The following NKAIN3 variants were observed in gnomAD, a reference collection of about 807,000 sequenced individuals.
The protein encoded by NKAIN3 is sodium/potassium transporting ATPase interacting 3, also known as sodium/potassium-transporting ATPase subunit beta-1-interacting protein 3.
A neutral mutation model predicts 30.2 loss-of-function variants in NKAIN3; 25 were observed. The observed-to-expected ratio is 0.83, with a 90% CI of 0.60 to 1.16. The LOEUF is 1.16. NKAIN3 is among the 50% of genes most tolerant of loss of function. NKAIN3 has a pLI of 0.00. For synonymous variants in NKAIN3, 91 were observed against 89.6 expected (o/e 1.02, Z -0.09); for missense variants, 225 against 254.1 (o/e 0.89, Z 0.78).
At chr8:62,634,907 G>A (rs1293788606) in intron 3 of NKAIN3, among the ~76,000 whole-genome samples, 2 of 151,884 alleles carry the variant, frequency 1.3e-5, no homozygotes, top group Non-Finnish European at 2.9e-5. Flanking sequence ...AAAGAAGGAG[G>A]AGAAAAAAGA....
At chr8:62,529,130 T>C (rs926254807) in intron 1 of NKAIN3, among the ~76,000 whole-genome samples, 6 of 152,172 alleles carry the variant, frequency 3.9e-5, no homozygotes, top group Non-Finnish European at 7.4e-5. Context: ...TATCTAGAGC[T>C]GAATGTAATC....
chr8:62,932,203 C>T (rs1195543362), intron 5 of NKAIN3, among the ~76,000 whole-genome samples: 1 of 152,148 alleles, frequency 6.6e-6, no homozygotes, highest in Admixed American at 6.5e-5. Context: ...GCTAATTTTT[C>T]ACTTATTAAT....
chr8:62,758,521 A>C (rs1816533290), intron 4 of NKAIN3, among the ~76,000 whole-genome samples: 1 of 152,180 alleles, frequency 6.6e-6, no homozygotes, highest in Non-Finnish European at 1.5e-5. Flanking sequence ...TTATAATTAA[A>C]AGTATAACTG....
intron 3 of NKAIN3, among the ~76,000 whole-genome samples, chr8:62,623,522 C>A (rs1811688180): frequency 6.6e-6 from 1 of 151,994 alleles, no homozygotes; most frequent in African/African-American, 2.4e-5. Flanking sequence ...ACACTGTTAT[C>A]TATTAGATCA....
At chr8:62,959,247 C>G (rs1585623289) in intron 6 of NKAIN3, among the ~76,000 whole-genome samples, 1 of 152,144 alleles carries the variant, frequency 6.6e-6, no homozygotes, top group Admixed American at 6.5e-5. Flanking sequence ...CTGTCTCTGA[C>G]AATCCGGGTA....
At chr8:62,533,300 A>G (rs1370737187) in intron 1 of NKAIN3, among the ~76,000 whole-genome samples, 1 of 152,242 alleles carries the variant, frequency 6.6e-6, no homozygotes, top group African/African-American at 2.4e-5. Context: ...AGTAATAACT[A>G]GAGCTATTAA....
rs1396331963 is a variant in NKAIN3 at position 62,965,636 on chromosome 8, A to C, written c.*229A>C. 1 of 967,180 alleles carries C rather than the reference A, an allele frequency of 1.0e-6. No homozygotes were observed. The highest frequency in any genetic ancestry group is 1.2e-6 in the Non-Finnish European group (1 of 814,060). 59.9% of individuals were successfully genotyped at this position (967,180 alleles called of 1,614,324 possible). ...TGTAAGTTGTAAAAAAAAAAAAAAA[A>C]GAAAAAACAGAATTTGGTTTTAAAT... On this transcript the variant is annotated 3_prime_UTR_variant, in exon 7 of 7. Coordinates refer to ENST00000623646, the MANE Select transcript of NKAIN3 (RefSeq NM_001304533.3).
At chr8:62,484,804 A>G (rs1806845656) in intron 1 of NKAIN3, among the ~76,000 whole-genome samples, 1 of 152,048 alleles carries the variant, frequency 6.6e-6, no homozygotes, top group Non-Finnish European at 1.5e-5. Context: ...CTGCAGCACA[A>G]AGGGTCACAT....
chr8:62,804,191 G>T (rs963912018), intron 4 of NKAIN3, among the ~76,000 whole-genome samples: 1 of 152,170 alleles, frequency 6.6e-6, no homozygotes, highest in African/African-American at 2.4e-5. Flanking sequence ...GGTACAAGGA[G>T]GAACTGGTAC....
At chr8:62,365,829 G>T (rs900736980) in intron 1 of NKAIN3, among the ~76,000 whole-genome samples, 1 of 151,770 alleles carries the variant, frequency 6.6e-6, no homozygotes, top group African/African-American at 2.4e-5. Context: ...GACTTAATTT[G>T]CATTTGTCTG....
intron 3 of NKAIN3, among the ~76,000 whole-genome samples, chr8:62,667,115 A>T (rs1166186975): frequency 7.6e-6 from 1 of 131,022 alleles, no homozygotes; most frequent in East Asian, 2.3e-4. Flanking sequence ...ACTTGGACAC[A>T]GGAAGGGGAA....
intron 3 of NKAIN3, among the ~76,000 whole-genome samples, chr8:62,620,702 T>C (rs1811596116): frequency 6.6e-6 from 1 of 152,168 alleles, no homozygotes; most frequent in Non-Finnish European, 1.5e-5. Flanking sequence ...CAGTTTTTTA[T>C]TCATCCCTCT....
At chr8:62,777,501 A>G (rs1238437024) in intron 4 of NKAIN3, among the ~76,000 whole-genome samples, 1 of 152,148 alleles carries the variant, frequency 6.6e-6, no homozygotes, top group Non-Finnish European at 1.5e-5. Flanking sequence ...GCATTCATCC[A>G]TATGCCAGAC....
At chr8:62,870,709 ATCTATATCTCTATATC>A (rs1482670027) in intron 4 of NKAIN3, among the ~76,000 whole-genome samples, 3 of 145,250 alleles carry the variant, frequency 2.1e-5, no homozygotes, top group South Asian at 2.1e-4. Flanking sequence ...ATATCTATAT[ATCTATATCTCTATATC>A]TATATATCTA....
intron 1 of NKAIN3, among the ~76,000 whole-genome samples, chr8:62,335,746 T>C (rs1439566657): frequency 6.6e-6 from 1 of 152,060 alleles, no homozygotes; most frequent in Non-Finnish European, 1.5e-5. Flanking sequence ...TCCTGTTTCC[T>C]GGAAACTATT....
intron 1 of NKAIN3, among the ~76,000 whole-genome samples, chr8:62,548,361 G>A (rs1020305527): frequency 2.0e-5 from 3 of 152,174 alleles, no homozygotes; most frequent in African/African-American, 7.2e-5. Context: ...ATGAAATGGT[G>A]ATCAAATATA....
At chr8:62,305,681 G>C (rs1461105473) in intron 1 of NKAIN3, among the ~76,000 whole-genome samples, 1 of 150,390 alleles carries the variant, frequency 6.6e-6, no homozygotes, top group Non-Finnish European at 1.5e-5. Flanking sequence ...GGTGTCTCCA[G>C]GCCCTCCCTC....
intron 1 of NKAIN3, among the ~76,000 whole-genome samples, chr8:62,278,840 C>T (rs1052381089): frequency 1.3e-5 from 2 of 152,114 alleles, no homozygotes; most frequent in Non-Finnish European, 2.9e-5. Context: ...AATAAACACA[C>T]GTATGCATGT....
intron 5 of NKAIN3, among the ~76,000 whole-genome samples, chr8:62,994,922 T>A (rs1804072157): frequency 6.6e-6 from 1 of 152,206 alleles, no homozygotes; most frequent in South Asian, 2.1e-4. Flanking sequence ...TAAGCCTACA[T>A]CATTGGGGTG....
Sources: gnomAD v4.1 joint callset for allele counts (sites outside exome capture counted in the v4.1 genomes callset) on GRCh38, gnomAD v4.1.1 for gene constraint, MANE v1.5 for transcripts, NCBI Gene and HGNC (gene_info 2026-07-23, HGNC 2026-07-21) for gene names.